CNBP: variants seen among roughly 807,000 people sequenced by gnomAD.
CNBP encodes CCHC-type zinc finger nucleic acid binding protein, also known as cellular nucleic acid-binding protein.
Under a neutral mutation model 21.2 loss-of-function variants are expected in CNBP, and 6 were observed. That is an observed-to-expected ratio of 0.28 (90% confidence interval 0.16 to 0.56). CNBP has a LOEUF of 0.56. CNBP is among the 20% of genes least tolerant of loss of function. CNBP has a pLI of 0.93. For missense variants in CNBP, 112 were observed against 233.1 expected (o/e 0.48, Z 3.38); for synonymous variants, 61 against 74.9 (o/e 0.81, Z 0.96).
intron 4 of CNBP, 81 bp downstream of exon 4, chr3:129,170,998 A>G: frequency 2.1e-6 from 3 of 1,407,864 alleles, no homozygotes; most frequent in Non-Finnish European, 1.9e-6. Context: ...GAATTTACTA[A>G]GGCCCTTCCA....
At position 129,171,653 on chromosome 3, in the gene CNBP, AC is replaced by A; in HGVS notation, c.104del (p.Gly35ValfsTer101). 6.2e-7 allele frequency: 1 copy of A among 1,614,036 alleles called. No individual in the cohort carries two copies. The highest frequency in any genetic ancestry group is 8.5e-7 in the Non-Finnish European group (1 of 1,180,010). The stretch of plus-strand genomic sequence containing the variant: ...AAATACCTCTATCCGAGGTAAAACC[AC>A]CTCTGCCACGGCTTCTCATTCCACG... ...RGRGMRSRGR[G>X]GFTSDRGFQF... On this transcript the variant is annotated frameshift_variant, in exon 2 of 5. Transcript: ENST00000422453. LOFTEE classifies it high-confidence loss of function.
In CNBP at chr3:129,168,600, T is replaced by C. The variant is rs1482149219; in HGVS notation, c.*1853A>G. 1.5e-5 allele frequency among the ~76,000 whole-genome samples: 1 copy of C among 67,450 alleles called. No homozygotes were observed. The highest frequency in any genetic ancestry group is 2.6e-5 in the Non-Finnish European group (1 of 39,088). 44.2% of individuals were successfully genotyped at this position (67,450 alleles called of 152,430 possible). ...TCTAGCCTGGGCAACAGAGCGAGAC[T>C]GTCTCAAAAAAAAAAAAAAAAAAAA... On this transcript the variant is annotated 3_prime_UTR_variant, in exon 5 of 5. Coordinates refer to ENST00000422453, the MANE Select transcript of CNBP (RefSeq NM_003418.5).
chr3:129,171,479 G>T lies in CNBP; in HGVS notation c.184C>A (p.His62Asn). The T allele has an allele frequency of 6.2e-7, 1 of 1,614,136 alleles. No homozygotes were observed. Among genetic ancestry groups the T allele is most frequent in the South Asian group, 1.1e-5 (1 of 91,066 alleles). Residue 62 changes from histidine to asparagine, a missense_variant, in exon 3 of 5, where the codon CAT (histidine) becomes AAT (asparagine). By Grantham distance (68) the His-to-Asn change is moderately conservative. Transcript: ENST00000422453. ...TGAAGATCACAATCCTTGGCAAGAT[G>T]ACCAGACTCACCACAGCGATAACAA... ...DICYRCGESG[H>N]LAKDCDLQED...
chr3:129,168,605 CAAAAAAAAAA>C lies in CNBP; in HGVS notation c.*1838_*1847del, dbSNP rs57560229. On this transcript the variant is annotated 3_prime_UTR_variant, in exon 5 of 5. Transcript: ENST00000422453. ...CCTGGGCAACAGAGCGAGACTGTCT[CAAAAAAAAAA>C]AAAAAAAAAAAAAAGGCCCAGGAAA... is the stretch of plus-strand genomic sequence containing the variant. Among the ~76,000 whole-genome samples, 2 of 39,468 alleles carry C rather than the reference CAAAAAAAAAA, an allele frequency of 5.1e-5. No individual in the cohort carries two copies. The highest frequency in any genetic ancestry group is 1.0e-4 in the African/African-American group (1 of 9,572). 25.9% of individuals were successfully genotyped at this position (39,468 alleles called of 152,430 possible).
chr3:129,183,673 G>C (rs1440991367), intron 1 of CNBP, 103 bp downstream of exon 1: 1 of 152,656 alleles, frequency 6.6e-6, no homozygotes, highest in African/African-American at 2.4e-5. Context: ...AGGCCAAAGT[G>C]CGGCCGCCAT....
intron 1 of CNBP, among the ~76,000 whole-genome samples, chr3:129,179,793 T>C (rs6800171): frequency 0.028 from 4,230 of 152,166 alleles, 179 homozygotes; most frequent in African/African-American, 0.096. Context: ...GATCATGCCA[T>C]TTGCACTCCA....
rs1937513243 is a variant in CNBP at position 129,168,742 on chromosome 3, C to A, written c.*1711G>T. Among the ~76,000 whole-genome samples, 1 of 151,732 alleles carries A rather than the reference C, an allele frequency of 6.6e-6. No individual in the cohort carries two copies. The highest frequency in any genetic ancestry group is 2.4e-5 in the African/African-American group (1 of 41,304). ...TTTGGGGGGCGGGGCAGGTGGATCA[C>A]CTGAGGTCAGGAGTTGGAGACCAGC... is the stretch of plus-strand genomic sequence containing the variant. On this transcript the variant is annotated 3_prime_UTR_variant, in exon 5 of 5. Coordinates refer to ENST00000422453, the MANE Select transcript of CNBP (RefSeq NM_003418.5).
intron 1 of CNBP, among the ~76,000 whole-genome samples, chr3:129,174,415 C>T (rs1937753254): frequency 6.8e-6 from 1 of 147,558 alleles, no homozygotes; most frequent in Admixed American, 6.8e-5. Flanking sequence ...CCTGTAATCC[C>T]AGCACTTTGG....
intron 1 of CNBP, among the ~76,000 whole-genome samples, chr3:129,176,639 A>G (rs1233460596): frequency 6.6e-6 from 1 of 152,186 alleles, no homozygotes; most frequent in Non-Finnish European, 1.5e-5. Flanking sequence ...TGCACCATTA[A>G]TTTAAAGTAA....
chr3:129,180,508 T>G (rs756661977), intron 1 of CNBP, among the ~76,000 whole-genome samples: 2 of 152,246 alleles, frequency 1.3e-5, no homozygotes, highest in Non-Finnish European at 2.9e-5. Context: ...TAATTACAAC[T>G]TAAAATTTGG....
rs1055070876 is a variant in CNBP at position 129,169,863 on chromosome 3, CTA to C, written c.*588_*589del. 4.4e-6 allele frequency: 1 copy of C among 229,222 alleles called. No homozygotes were observed. The highest frequency in any genetic ancestry group is 2.2e-5 in the African/African-American group (1 of 45,108). The allele number at this position is 229,222 out of a possible 1,614,324, so 14.2% of individuals were successfully genotyped here. On this transcript the variant is annotated 3_prime_UTR_variant, in exon 5 of 5. Coordinates refer to ENST00000422453, the MANE Select transcript of CNBP (RefSeq NM_003418.5). ...TGTTCTAAACCTTTGCCATCACCAT[CTA>C]TGTGTCCAACATCAACACTGTGATG...
Position 129,170,531 on chromosome 3 carries a change from C to T in CNBP, c.456G>A (p.Lys152=), listed in dbSNP as rs1937548189. The T allele has an allele frequency of 6.2e-7, 1 of 1,614,120 alleles. No individual in the cohort carries two copies. Among genetic ancestry groups the T allele is most frequent in the Non-Finnish European group, 8.5e-7 (1 of 1,180,052 alleles). Residue 152 remains lysine (K), a synonymous_variant, in exon 5 of 5, where the codon AAG becomes AAA. Coordinates refer to ENST00000422453, the MANE Select transcript of CNBP (RefSeq NM_003418.5). The stretch of plus-strand genomic sequence containing the variant: ...AGCGGTAACAGTTGACTTCACTTGT[C>T]TTGCTGCAGTTGATGGCTACATGAC... The part of the protein sequence containing the change: ...ETGHVAINCS[K]TSEVNCYRCG...
At chr3:129,183,044 G>A (rs982852639) in intron 1 of CNBP, among the ~76,000 whole-genome samples, 5 of 151,846 alleles carry the variant, frequency 3.3e-5, no homozygotes, top group Non-Finnish European at 5.9e-5. Flanking sequence ...CTCGGCCTCC[G>A]GGGTTCACGC....
Position 129,182,939 on chromosome 3 carries a change from G to GTTGT in CNBP, c.-15+833_-15+836dup, listed in dbSNP as rs146475772. On this transcript the variant is annotated intron_variant, in intron 1 of 4. Coordinates refer to ENST00000422453, the MANE Select transcript of CNBP (RefSeq NM_003418.5). ...AAGGCTTCTTCAGGAACCCTTTGTTGTTGTTTGTTTGTTTGTTTGTTTGTT... is the reference window on the plus strand; with the variant it reads ...AAGGCTTCTTCAGGAACCCTTTGTTGTTGTTTGTTTGTTTGTTTGTTTGTTTGTT... Among the ~76,000 whole-genome samples, 2 of 150,592 alleles carry GTTGT rather than the reference G, an allele frequency of 1.3e-5. 1 individual carries two copies. The highest frequency in any genetic ancestry group is 4.2e-4 in the South Asian group (2 of 4,728).
chr3:129,170,292 G>GA lies in CNBP; in HGVS notation c.*160dup, dbSNP rs1308147500. The GA allele has an allele frequency of 1.6e-5, 10 of 639,904 alleles. No individual in the cohort carries two copies. The highest frequency in any genetic ancestry group is 1.5e-4 in the African/African-American group (8 of 54,710). 39.6% of individuals were successfully genotyped at this position (639,904 alleles called of 1,614,324 possible). ...TAAACTTTTTTTGTAGTTAAATGCAGAAAGTCGGTTTTTTTCCACCCCTTT... is the reference window on the plus strand; with the variant it reads ...TAAACTTTTTTTGTAGTTAAATGCAGAAAAGTCGGTTTTTTTCCACCCCTTT... On this transcript the variant is annotated 3_prime_UTR_variant, in exon 5 of 5. Coordinates refer to ENST00000422453, the MANE Select transcript of CNBP (RefSeq NM_003418.5).
intron 1 of CNBP, among the ~76,000 whole-genome samples, chr3:129,174,349 T>TAA (rs56752888): frequency 0.16 from 9,781 of 62,584 alleles, 1,325 homozygotes; most frequent in East Asian, 0.22. Context: ...GAGTCAGAAT[T>TAA]AAAAAAAAAA....
At chr3:129,176,165 CT>C (rs1228314463) in intron 1 of CNBP, among the ~76,000 whole-genome samples, 1 of 152,168 alleles carries the variant, frequency 6.6e-6, no homozygotes, top group Non-Finnish European at 1.5e-5. Flanking sequence ...GGTAAGACAG[CT>C]GAGAATCATG....
chr3:129,175,081 C>G (rs1937807906), intron 1 of CNBP, among the ~76,000 whole-genome samples: 1 of 152,038 alleles, frequency 6.6e-6, no homozygotes. Context: ...CCTGTAATCT[C>G]AGCACTTTGG....
chr3:129,171,268 T>C lies in CNBP; in HGVS notation c.227A>G (p.Asn76Ser). 6.2e-7 allele frequency: 1 copy of C among 1,614,226 alleles called. No homozygotes were observed. Among genetic ancestry groups the C allele is most frequent in the Non-Finnish European group, 8.5e-7 (1 of 1,180,042 alleles). The change falls in exon 4 of 5, where the codon AAC (asparagine) becomes AGC (serine). Residue 76 changes from asparagine (N) to serine (S), a missense_variant. Transcript: ENST00000422453. ...GGCAATGTGGCCACCTCTACCGCAG[T>C]TATAGCAGGCTTCAACAATAAGGAA... ...DCDLQEDACY[N>S]CGRGGHIAKD... is the part of the protein sequence containing the mutation.
Sources: allele counts gnomAD v4.1 joint callset (sites outside exome capture counted in the v4.1 genomes callset), GRCh38; gene constraint gnomAD v4.1.1; transcripts MANE v1.5; gene names NCBI Gene and HGNC (gene_info 2026-07-23, HGNC 2026-07-21).